Variants in COQ8B observed in about 807,000 individuals in gnomAD.
COQ8B encodes the protein coenzyme Q8B, also known as atypical kinase COQ8B, mitochondrial.
In COQ8B, 44 loss-of-function variants were observed where a neutral mutation model predicts 62.0. That is an observed-to-expected ratio of 0.71 (90% CI 0.56 to 0.91). COQ8B has a LOEUF of 0.91. COQ8B is among the 40% of genes least tolerant of loss of function. The pLI is 0.00. For missense variants in COQ8B, 649 were observed against 731.6 expected (o/e 0.89, Z 1.30); for synonymous variants, 252 against 289.9 (o/e 0.87, Z 1.33).
At chr19:40,713,747 G>A (rs4802084) in intron 4 of COQ8B, among the ~76,000 whole-genome samples, 3,573 of 147,694 alleles carry the variant, frequency 0.024, 52 homozygotes, top group Non-Finnish European at 0.034. Context: ...TACCCGGGCG[G>A]ATGGTGCACA....
intron 4 of COQ8B, among the ~76,000 whole-genome samples, chr19:40,711,625 C>G (rs986534940): frequency 6.6e-6 from 1 of 152,172 alleles, no homozygotes; most frequent in South Asian, 2.1e-4. Flanking sequence ...GATGTTATCT[C>G]TCCATCTCTG....
At chr19:40,697,893 C>G (rs2082031548) in intron 12 of COQ8B, among the ~76,000 whole-genome samples, 1 of 88,640 alleles carries the variant, frequency 1.1e-5, no homozygotes, top group African/African-American at 4.8e-5. Flanking sequence ...ACTGGGCGTT[C>G]ATGCAAATGC....
chr19:40,705,280 G>A (rs747808667), intron 6 of COQ8B, 45 bp downstream of exon 6: 19 of 1,584,646 alleles, frequency 1.2e-5, no homozygotes, highest in Non-Finnish European at 1.6e-5. Flanking sequence ...GTAGGGCTGG[G>A]GTAGAAGGGA....
chr19:40,695,718 A>G (rs1293044818), intron 13 of COQ8B, among the ~76,000 whole-genome samples: 1 of 152,158 alleles, frequency 6.6e-6, no homozygotes, highest in Admixed American at 6.5e-5. Flanking sequence ...TAACCCCTCC[A>G]GGACCCAGTT....
intron 7 of COQ8B, chr19:40,704,794 G>A (rs1274366778): frequency 3.4e-6 from 1 of 290,614 alleles, no homozygotes; most frequent in East Asian, 6.6e-5. Flanking sequence ...TGCTCACAGT[G>A]AATCAGGGGC....
intron 5 of COQ8B, among the ~76,000 whole-genome samples, chr19:40,706,766 T>C (rs1003271321): frequency 3.3e-5 from 5 of 152,180 alleles, no homozygotes; most frequent in East Asian, 1.9e-4. Flanking sequence ...GGCCTAAAAA[T>C]TTCTCAGTTT....
intron 12 of COQ8B, 100 bp downstream of exon 12, chr19:40,699,967 T>C (rs899437407): frequency 2.6e-5 from 29 of 1,130,574 alleles, no homozygotes; most frequent in Non-Finnish European, 7.9e-6. Context: ...CCCTGCCTAT[T>C]GTGGGGGTAA....
At chr19:40,708,512 C>G (rs1311869595) in intron 5 of COQ8B, among the ~76,000 whole-genome samples, 2 of 152,058 alleles carry the variant, frequency 1.3e-5, no homozygotes, top group Non-Finnish European at 2.9e-5. Context: ...AAGCAAGAGA[C>G]TCAAAGAGGT....
At chr19:40,693,239 T>G (rs1599923132) in intron 13 of COQ8B, among the ~76,000 whole-genome samples, 1 of 151,200 alleles carries the variant, frequency 6.6e-6, no homozygotes, top group South Asian at 2.1e-4. Context: ...GGAGTGGAGG[T>G]GGTTAGGGAT....
intron 4 of COQ8B, among the ~76,000 whole-genome samples, chr19:40,711,839 A>C (rs555777417): frequency 9.8e-5 from 15 of 152,298 alleles, no homozygotes; most frequent in Admixed American, 2.0e-4. Flanking sequence ...TATTTTACAG[A>C]AAACTTCCAT....
intron 14 of COQ8B, 129 bp downstream of exon 14, chr19:40,692,822 C>T: frequency 1.3e-6 from 1 of 753,412 alleles, no homozygotes; most frequent in Non-Finnish European, 2.2e-6. Flanking sequence ...CAAGCCCCTC[C>T]TAGAGTCCCC....
At chr19:40,713,419 A>G (rs1295942074) in intron 4 of COQ8B, among the ~76,000 whole-genome samples, 2 of 152,120 alleles carry the variant, frequency 1.3e-5, no homozygotes, top group Non-Finnish European at 2.9e-5. Flanking sequence ...TGGTGGATGC[A>G]TGCCTGTAAT....
At position 40,703,817 on chromosome 19, in the gene COQ8B, G is replaced by A. The variant is rs1006767166; in HGVS notation, c.615C>T (p.Ala205=). The change falls in exon 8 of 15, where the codon GCC becomes GCT. Residue 205 remains alanine, a synonymous_variant. Coordinates refer to ENST00000324464, the MANE Select transcript of COQ8B (RefSeq NM_024876.4). Reference sequence around the variant, plus strand: ...GCACCTCCTCCAAGGAGGCCACCTTGGCCTGCCAGTCCCTGCCGAGCTCCT... The same window carrying A: ...GCACCTCCTCCAAGGAGGCCACCTTAGCCTGCCAGTCCCTGCCGAGCTCCT... ...LEEELGRDWQ[A]KVASLEEVPF... is the part of the protein sequence containing the mutation. 1 of 1,613,182 alleles carries A rather than the reference G, an allele frequency of 6.2e-7. No homozygotes were observed. Among genetic ancestry groups the A allele is most frequent in the Non-Finnish European group, 8.5e-7 (1 of 1,179,494 alleles).
At position 40,702,994 on chromosome 19, in the gene COQ8B, G is replaced by A. The variant is rs111445038; in HGVS notation, c.800-301C>T. 3.3e-5 allele frequency among the ~76,000 whole-genome samples: 5 copies of A among 152,050 alleles called. 1 individual carries two copies. The highest frequency in any genetic ancestry group is 1.2e-4 in the African/African-American group (5 of 41,382). ...CCTTCATAGCACCACAGGGTTCCCC[G>A]GGGTCTTCCGAAGCCTTTTCTGGGC... On this transcript the variant is annotated intron_variant, in intron 9 of 14. Transcript: ENST00000324464.
chr19:40,692,657 C>G (rs1490982216), intron 14 of COQ8B, among the ~76,000 whole-genome samples: 1 of 152,072 alleles, frequency 6.6e-6, no homozygotes, highest in African/African-American at 2.4e-5. Flanking sequence ...CCCTCCTGAA[C>G]AGATCCACGG....
intron 1 of COQ8B, chr19:40,715,598 A>G (rs1006220438): frequency 2.0e-6 from 2 of 985,360 alleles, no homozygotes; most frequent in African/African-American, 3.5e-5. Context: ...TTGCTTGCCA[A>G]CTGTTTCCCG....
In COQ8B at chr19:40,714,258, G is replaced by A; in HGVS notation, c.222+20C>T. ...AGCAGTATTCGTGGGGTGTTGCTGG[G>A]TGGGTGGGGGTAATGATACCTGGGG... On this transcript the variant is annotated intron_variant, in intron 3 of 14. Coordinates refer to ENST00000324464, the MANE Select transcript of COQ8B (RefSeq NM_024876.4). 1 of 1,608,296 alleles carries A rather than the reference G, an allele frequency of 6.2e-7. No homozygotes were observed.
At position 40,703,633 on chromosome 19, in the gene COQ8B, A is replaced by C. The variant is rs1443155136; in HGVS notation, c.718-11T>G. ...GGCTATGCCGGGGTACTGTAAAGGG[A>C]GAAGGGAGGGAGAGAAGGTGGGAGT... On this transcript the variant is annotated splice_polypyrimidine_tract_variant and intron_variant, in intron 8 of 14. Transcript: ENST00000324464. 1.9e-6 allele frequency: 3 copies of C among 1,613,050 alleles called. No homozygotes were observed. Among genetic ancestry groups the C allele is most frequent in the Non-Finnish European group, 2.5e-6 (3 of 1,179,456 alleles).
rs982789621 is a variant in COQ8B at position 40,705,932 on chromosome 19, G to GAAAAA, written c.368-490_368-486dup. Among the ~76,000 whole-genome samples, 2 of 85,194 alleles carry GAAAAA rather than the reference G, an allele frequency of 2.3e-5. 1 individual carries two copies. The allele number at this position is 85,194 out of a possible 152,430, so 55.9% of individuals were successfully genotyped here. ...GCAACCAAGCAATACCCTGTCTCGG[G>GAAAAA]AAAAAAAAAAAAAAAAGAAAAGAAA... On this transcript the variant is annotated intron_variant, in intron 5 of 14. Transcript: ENST00000324464.
Sources: allele counts gnomAD v4.1 joint callset (sites outside exome capture counted in the v4.1 genomes callset), GRCh38; gene constraint gnomAD v4.1.1; transcripts MANE v1.5; gene names NCBI Gene and HGNC (gene_info 2026-07-23, HGNC 2026-07-21).